Variants in DSC1 observed in about 807,000 individuals in gnomAD.
DSC1 encodes the protein desmocollin 1.
DSC1 carries 79 observed loss-of-function variants against 98.8 expected under a neutral mutation model. The observed-to-expected ratio is 0.80, with a 90% CI of 0.67 to 0.96. The LOEUF is 0.96. DSC1 is among the 50% of genes least tolerant of loss of function. The pLI is 0.00. For missense variants in DSC1, 1,115 were observed against 1,075.9 expected (o/e 1.04, Z -0.51); for synonymous variants, 405 against 372.1 (o/e 1.09, Z -1.02).
chr18:31,143,155 T>G (rs1166995891), intron 8 of DSC1, among the ~76,000 whole-genome samples: 1 of 151,778 alleles, frequency 6.6e-6, no homozygotes, highest in Non-Finnish European at 1.5e-5. Flanking sequence ...TATATATTTA[T>G]ATATATCTCT....
intron 12 of DSC1, 30 bp downstream of exon 12, chr18:31,134,542 T>C (rs1162454540): frequency 7.2e-6 from 11 of 1,533,152 alleles, no homozygotes; most frequent in Non-Finnish European, 8.0e-6. Flanking sequence ...GAAGTCCGTA[T>C]TGACTATAAA....
chr18:31,134,125 T>C lies in DSC1; in HGVS notation c.1882A>G (p.Thr628Ala). The change falls in exon 13 of 16, where the codon ACT (threonine) becomes GCT (alanine). Residue 628 changes from threonine (T) to alanine (A), a missense_variant. Physicochemically the swap from Thr to Ala is moderately conservative, Grantham distance 58 (BLOSUM62 0). Transcript: ENST00000257198. ...TTTTGCCGTTGACGAAGAATGGCAGTTTTACCTAGGGAAAAAAAAGACAGA... is the reference window on the plus strand; with the variant it reads ...TTTTGCCGTTGACGAAGAATGGCAGCTTTACCTAGGGAAAAAAAAGACAGA... ...NWNIEEKDGK[T>A]AILRQRQNLD... 6.2e-7 allele frequency: 1 copy of C among 1,602,668 alleles called. No homozygotes were observed. Among genetic ancestry groups the C allele is most frequent in the Non-Finnish European group, 8.5e-7 (1 of 1,179,124 alleles).
chr18:31,144,930 C>CTTTTTTTTTT, intron 7 of DSC1, among the ~76,000 whole-genome samples: 1 of 124,740 alleles, frequency 8.0e-6, no homozygotes, highest in African/African-American at 3.2e-5. Context: ...TCTGTATTTT[C>CTTTTTTTTTT]TTTTTCTTTC....
At chr18:31,143,841 C>A in intron 7 of DSC1, 50 bp from the exon 8 acceptor site, 1 of 1,434,848 alleles carries the variant, frequency 7.0e-7, no homozygotes, top group African/African-American at 1.5e-5. Context: ...TTTCCTATAA[C>A]TTGCAATTCT....
intron 7 of DSC1, among the ~76,000 whole-genome samples, chr18:31,144,692 A>G (rs1568000153): frequency 6.6e-6 from 1 of 152,190 alleles, no homozygotes; most frequent in Non-Finnish European, 1.5e-5. Context: ...TCTGGATGAT[A>G]CTATAATGAT....
chr18:31,150,351 C>G (rs371020116), intron 5 of DSC1, among the ~76,000 whole-genome samples: 25 of 1,108 alleles, frequency 0.023, no homozygotes, highest in African/African-American at 0.032. Context: ...ATCACCACCA[C>G]CACCACCATC....
rs1285356990 is a variant in DSC1 at position 31,130,563 on chromosome 18, T to A, written c.2636A>T (p.His879Leu). 2 of 1,614,054 alleles carry A rather than the reference T, an allele frequency of 1.2e-6. No homozygotes were observed. Among genetic ancestry groups the A allele is most frequent in the East Asian group, 4.5e-5 (2 of 44,888 alleles). ...QEEEGLEFLD[H>L]LEPKFRTLAK... ...TAATGTCCTAAATTTGGGTTCCAGG[T>A]GATCTAGAAACTCCAGTCCCTCTTC... Residue 879 changes from histidine to leucine, a missense_variant, in exon 16 of 16, where the codon CAC (histidine) becomes CTC (leucine). Coordinates refer to ENST00000257198, the MANE Select transcript of DSC1 (RefSeq NM_024421.2).
Position 31,130,611 on chromosome 18 carries a change from C to A in DSC1, c.2588G>T (p.Gly863Val). ...TTCTTCCTGCCGATCGCTGCAGCAA[C>A]CTACTGAGCCGGCCAGAGAACCTTT... Reference protein sequence around the residue: ...EGKGSLAGSVGCCSDRQEEEG... With the variant: ...EGKGSLAGSVVCCSDRQEEEG... Residue 863 changes from glycine (G) to valine (V), a missense_variant, in exon 16 of 16, where the codon GGT (glycine) becomes GTT (valine). Coordinates refer to ENST00000257198, the MANE Select transcript of DSC1 (RefSeq NM_024421.2). 6.2e-7 allele frequency: 1 copy of A among 1,614,156 alleles called. No homozygotes were observed. The highest frequency in any genetic ancestry group is 1.3e-5 in the African/African-American group (1 of 75,028).
intron 13 of DSC1, among the ~76,000 whole-genome samples, chr18:31,133,183 A>C (rs1257260613): frequency 1.3e-5 from 2 of 152,190 alleles, no homozygotes; most frequent in Non-Finnish European, 2.9e-5. Context: ...GATTATAGGA[A>C]AAGTTTGTAA....
At chr18:31,150,264 T>C (rs1414203668) in intron 5 of DSC1, among the ~76,000 whole-genome samples, 6 of 96,616 alleles carry the variant, frequency 6.2e-5, no homozygotes, top group South Asian at 3.8e-4. Context: ...ACCACCATCA[T>C]CATCACCACT....
chr18:31,142,086 T>C lies in DSC1; in HGVS notation c.1173A>G (p.Val391=). 1 of 1,613,244 alleles carries C rather than the reference T, an allele frequency of 6.2e-7. No individual in the cohort carries two copies. Among genetic ancestry groups the C allele is most frequent in the African/African-American group, 1.3e-5 (1 of 74,984 alleles). The change falls in exon 9 of 16, where the codon GTA becomes GTG. Residue 391 remains valine (V), a synonymous_variant. Transcript: ENST00000257198. ...DLPNTPHSKA[V]YKILQGNENG... ...TTTCATTTCCTTGTAGGATTTTGTA[T>C]ACAGCCTTTGAGTGAGGAGTGTTTG... is the stretch of plus-strand genomic sequence containing the variant.
intron 5 of DSC1, among the ~76,000 whole-genome samples, chr18:31,150,255 C>G (rs1458425252): frequency 5.9e-5 from 8 of 134,656 alleles, no homozygotes; most frequent in African/African-American, 1.1e-4. Flanking sequence ...ACTACCACCA[C>G]CACCATCATC....
chr18:31,149,816 T>C (rs1988922836), intron 5 of DSC1, among the ~76,000 whole-genome samples: 1 of 152,216 alleles, frequency 6.6e-6, no homozygotes, highest in Non-Finnish European at 1.5e-5. Flanking sequence ...TGGAATGGAA[T>C]GTATTAAAAT....
In DSC1 at chr18:31,139,607, G is replaced by A. The variant is rs80252693; in HGVS notation, c.1663+141C>T. 2.7e-3 allele frequency: 2,299 copies of A among 859,292 alleles called. 45 individuals carry two copies. The African/African-American group carries it at 0.036, about 13-fold the overall frequency. The allele number at this position is 859,292 out of a possible 1,614,324, so 53.2% of individuals were successfully genotyped here. A position where few individuals can be genotyped will look rare whatever the true frequency, so the allele number is the denominator to read the frequency against. On this transcript the variant is annotated intron_variant, in intron 11 of 15. Transcript: ENST00000257198. ...TATAGATGCACTGAAGCCTAAACTGGGTGATATCCAATAACATGAACAATA... is the reference window on the plus strand; with the variant it reads ...TATAGATGCACTGAAGCCTAAACTGAGTGATATCCAATAACATGAACAATA...
At chr18:31,144,393 T>A (rs1988798966) in intron 7 of DSC1, among the ~76,000 whole-genome samples, 2 of 152,136 alleles carry the variant, frequency 1.3e-5, no homozygotes, top group South Asian at 4.1e-4. Context: ...AATAAACTGG[T>A]ACATCCAGAC....
At chr18:31,156,445 T>A (rs1198968770) in intron 3 of DSC1, among the ~76,000 whole-genome samples, 1 of 152,168 alleles carries the variant, frequency 6.6e-6, no homozygotes, top group African/African-American at 2.4e-5. Flanking sequence ...CTAAAATAGA[T>A]AATTCATTAA....
intron 11 of DSC1, among the ~76,000 whole-genome samples, chr18:31,137,965 ATGTGTG>A (rs201493651): frequency 0.13 from 18,088 of 141,458 alleles, 1,182 homozygotes; most frequent in Admixed American, 0.2. Flanking sequence ...TCAGAGCAAA[ATGTGTG>A]TGTGTGTGTG....
chr18:31,153,442 T>G (rs1989038196), intron 5 of DSC1, among the ~76,000 whole-genome samples: 1 of 152,160 alleles, frequency 6.6e-6, no homozygotes. Flanking sequence ...TTTTTTAAAG[T>G]AAAAGTGTGT....
At chr18:31,137,901 G>T (rs1988645079) in intron 11 of DSC1, among the ~76,000 whole-genome samples, 1 of 150,620 alleles carries the variant, frequency 6.6e-6, no homozygotes, top group African/African-American at 2.4e-5. Flanking sequence ...AAAGAAAGTT[G>T]GATTCTAAGA....
Sources: allele counts gnomAD v4.1 joint callset (sites outside exome capture counted in the v4.1 genomes callset), GRCh38; gene constraint gnomAD v4.1.1; transcripts MANE v1.5; gene names NCBI Gene and HGNC (gene_info 2026-07-23, HGNC 2026-07-21).